Variants in SYNE2 observed in about 807,000 individuals in gnomAD.
SYNE2 encodes nesprin-2.
In SYNE2, 431 loss-of-function variants were observed where a neutral mutation model predicts 856.3. The observed-to-expected ratio is 0.50, with a 90% confidence interval of 0.47 to 0.55. The LOEUF is 0.55. Ranked by LOEUF, SYNE2 falls within the 20% of genes least tolerant of loss-of-function variation. The pLI, the probability that SYNE2 is intolerant of heterozygous loss-of-function variation, is 0.00. For synonymous variants in SYNE2, 2,923 were observed against 2,872.3 expected (o/e 1.02, Z -0.56); for missense variants, 8,129 against 8,023.2 (o/e 1.01, Z -0.50).
chr14:64,222,828 A>C (rs1483682385), intron 112 of SYNE2, among the ~76,000 whole-genome samples: 1 of 152,092 alleles, frequency 6.6e-6, no homozygotes, highest in Non-Finnish European at 1.5e-5. Context: ...ATGAACCTCT[A>C]TGGTTACGCT....
intron 1 of SYNE2, among the ~76,000 whole-genome samples, chr14:63,811,911 T>C (rs1888627424): frequency 6.6e-6 from 1 of 151,902 alleles, no homozygotes; most frequent in Non-Finnish European, 1.5e-5. Flanking sequence ...CCAATAAAGA[T>C]CACAAGTCAA....
chr14:63,874,264 A>C (rs894531083), intron 1 of SYNE2, among the ~76,000 whole-genome samples: 4 of 152,198 alleles, frequency 2.6e-5, no homozygotes, highest in Non-Finnish European at 5.9e-5. Context: ...AACATTTAAA[A>C]ATACTTTTGG....
At position 64,070,669 on chromosome 14, in the gene SYNE2, G is replaced by A; in HGVS notation, c.10456G>A (p.Asp3486Asn). The A allele has an allele frequency of 6.2e-7, 1 of 1,613,554 alleles. No homozygotes were observed. The highest frequency in any genetic ancestry group is 8.5e-7 in the Non-Finnish European group (1 of 1,179,768). ...EEIEREAIIL[D>N]NLQEELPEIS... Reference sequence around the variant, plus strand: ...GATTGAACGAGAGGCAATTATTTTAGATAATCTTCAGGAAGAACTCCCTGA... The same window carrying A: ...GATTGAACGAGAGGCAATTATTTTAAATAATCTTCAGGAAGAACTCCCTGA... Residue 3486 changes from aspartate (D) to asparagine (N), a missense_variant, in exon 52 of 116, where the codon GAT (aspartate) becomes AAT (asparagine). Physicochemically the swap from Asp to Asn is conservative, Grantham distance 23. Around this residue, in one of 3 missense-constraint regions of SYNE2, gnomAD observed 5,410 missense variants for 5,284.8 expected, o/e 1.02. Coordinates refer to ENST00000555002, the MANE Select transcript of SYNE2 (RefSeq NM_182914.3).
intron 105 of SYNE2, among the ~76,000 whole-genome samples, chr14:64,213,585 ACT>A (rs1238768604): frequency 6.6e-6 from 1 of 151,854 alleles, no homozygotes; most frequent in African/African-American, 2.4e-5. Flanking sequence ...ACGACTGGCC[ACT>A]CTTTCTTTTT....
intron 96 of SYNE2, among the ~76,000 whole-genome samples, chr14:64,177,892 C>T (rs937985949): frequency 3.3e-5 from 5 of 152,180 alleles, no homozygotes; most frequent in African/African-American, 1.2e-4. Context: ...GAGTTTGCTC[C>T]AGTATAGCAT....
chr14:64,041,051 A>C (rs2097144767), intron 45 of SYNE2, among the ~76,000 whole-genome samples: 1 of 152,176 alleles, frequency 6.6e-6, no homozygotes, highest in Non-Finnish European at 1.5e-5. Context: ...CAGTGCAAAT[A>C]AGTTCTTCAA....
intron 2 of SYNE2, among the ~76,000 whole-genome samples, chr14:63,915,014 A>G (rs779762558): frequency 2.6e-5 from 4 of 152,194 alleles, no homozygotes; most frequent in Non-Finnish European, 5.9e-5. Context: ...CCTGGGCTCC[A>G]TAGATCCTCC....
intron 11 of SYNE2, among the ~76,000 whole-genome samples, chr14:63,976,315 C>T (rs530830784): frequency 2.6e-5 from 4 of 152,226 alleles, no homozygotes; most frequent in South Asian, 2.1e-4. Flanking sequence ...TTTATCAAAA[C>T]GTTTGTTTTT....
In SYNE2 at chr14:63,961,636, A is replaced by T; in HGVS notation, c.888+11A>T. The T allele has an allele frequency of 1.9e-6, 3 of 1,582,874 alleles. No homozygotes were observed. The highest frequency in any genetic ancestry group is 2.6e-6 in the Non-Finnish European group (3 of 1,151,836). ...GGAGAGGAGGCTCAGGTATGTTTTC[A>T]TATGCATAAATCAAGCTCATTTTAG... is the stretch of plus-strand genomic sequence containing the variant. On this transcript the variant is annotated intron_variant, in intron 9 of 115. Coordinates refer to ENST00000555002, the MANE Select transcript of SYNE2 (RefSeq NM_182914.3).
chr14:63,765,034 T>C (rs913168593), intron 1 of SYNE2, among the ~76,000 whole-genome samples: 1 of 152,110 alleles, frequency 6.6e-6, no homozygotes. Flanking sequence ...GTCATCATCC[T>C]CAGGAGCTAC....
rs765830189 is a variant in SYNE2 at position 64,024,420 on chromosome 14, G to A, written c.5801G>A (p.Arg1934Gln). ...AAAATGGAGTCCATATGCCAGGCTC[G>A]AGCAAAGGAGCTTGAAGACTCCTTG... ...LEKMESICQA[R>Q]AKELEDSLQQ... The change falls in exon 39 of 116, where the codon CGA becomes CAA. Residue 1934 changes from arginine (R) to glutamine (Q), a missense_variant. By Grantham distance (43) the Arg-to-Gln change is conservative. Around this residue, in one of 3 missense-constraint regions of SYNE2, gnomAD observed 2,422 missense variants for 2,357.4 expected, o/e 1.03. Coordinates refer to ENST00000555002, the MANE Select transcript of SYNE2 (RefSeq NM_182914.3). The A allele has an allele frequency of 5.6e-6, 9 of 1,613,954 alleles. No individual in the cohort carries two copies. The highest frequency in any genetic ancestry group is 1.3e-5 in the African/African-American group (1 of 74,888).
At chr14:64,208,998 C>T (rs1343285639) in intron 101 of SYNE2, 53 bp downstream of exon 101, 10 of 1,581,930 alleles carry the variant, frequency 6.3e-6, no homozygotes, top group East Asian at 2.3e-5. Context: ...GAACTCAATA[C>T]ACCCTTCTGA....
chr14:64,077,275 A>G (rs966683100), intron 54 of SYNE2, among the ~76,000 whole-genome samples: 3 of 152,210 alleles, frequency 2.0e-5, no homozygotes, highest in Non-Finnish European at 4.4e-5. Flanking sequence ...ATGTATCTCA[A>G]TGGTATACAT....
rs2098655551 is a variant in SYNE2, at chr14:64,214,252, A to T, written c.19115A>T (p.Glu6372Val). ...GAAACAGACATGGAAGACCCCAGAG[A>T]AATCCAGACTGATTCTTGGCGTAAA... is the stretch of plus-strand genomic sequence containing the variant. ...ENETDMEDPREIQTDSWRKRG... is the reference protein window; with the variant it reads ...ENETDMEDPRVIQTDSWRKRG... The change falls in exon 106 of 116, where the codon GAA (glutamate) becomes GTA (valine). Residue 6372 changes from glutamate (E) to valine (V), a missense_variant. Glu to Val is a moderately radical substitution (Grantham distance 121, BLOSUM62 -2). This residue lies in a region of SYNE2 where 5,410 missense variants were observed against 5,284.8 expected (regional missense o/e 1.02). Transcript: ENST00000555002. The T allele has an allele frequency of 2.5e-6, 4 of 1,614,154 alleles. No individual in the cohort carries two copies. The highest frequency in any genetic ancestry group is 3.4e-6 in the Non-Finnish European group (4 of 1,180,028).
intron 65 of SYNE2, among the ~76,000 whole-genome samples, chr14:64,110,066 A>G (rs986175256): frequency 2.0e-5 from 3 of 152,190 alleles, no homozygotes; most frequent in Non-Finnish European, 4.4e-5. Flanking sequence ...TCATTTATTC[A>G]TGTGCAGTTA....
intron 64 of SYNE2, among the ~76,000 whole-genome samples, chr14:64,106,781 C>T (rs1408529279): frequency 6.6e-6 from 1 of 151,960 alleles, no homozygotes. Context: ...ATTTTCCTTT[C>T]TTGTCATGCT....
chr14:63,929,377 A>G (rs750506946), intron 2 of SYNE2, among the ~76,000 whole-genome samples: 2 of 152,254 alleles, frequency 1.3e-5, no homozygotes, highest in Non-Finnish European at 2.9e-5. Context: ...AATAAGTAAT[A>G]TAGTATCATT....
At chr14:64,078,698 T>G in intron 55 of SYNE2, 92 bp downstream of exon 55, 1 of 1,477,086 alleles carries the variant, frequency 6.8e-7, no homozygotes, top group Admixed American at 1.7e-5. Flanking sequence ...TTCTTTGAAT[T>G]AATCTGAAGC....
At chr14:64,150,710 A>T (rs183905225) in intron 84 of SYNE2, among the ~76,000 whole-genome samples, 1 of 152,360 alleles carries the variant, frequency 6.6e-6, no homozygotes, top group East Asian at 1.9e-4. Flanking sequence ...TGTTTTATAA[A>T]TTCAAAGAAG....
Sources: gnomAD v4.1 joint callset for allele counts (sites outside exome capture counted in the v4.1 genomes callset) on GRCh38, gnomAD v4.1.1 for gene constraint, gnomAD v4.1.1 regional missense constraint, MANE v1.5 for transcripts, NCBI Gene and HGNC (gene_info 2026-07-23, HGNC 2026-07-21) for gene names.